NLGN1: variants seen among roughly 807,000 people sequenced by gnomAD.
NLGN1 encodes the protein neuroligin-1.
A neutral mutation model predicts 65.5 loss-of-function variants in NLGN1; 12 were observed. The ratio of observed to expected loss-of-function variants is 0.18; its 90% CI spans 0.12 to 0.30. The LOEUF (loss-of-function observed/expected upper bound fraction) is 0.30, where lower values mean the gene tolerates loss of function less well. NLGN1 is among the 10% of genes least tolerant of loss of function. NLGN1 has a pLI of 1.00. For synonymous variants in NLGN1, 350 were observed against 359.5 expected, an observed-to-expected ratio of 0.97 and a Z score of 0.30; for missense variants, 750 against 1,007.1, an observed-to-expected ratio of 0.74 and a Z score of 3.46.
chr3:173,951,543 A>G (rs916199567), intron 4 of NLGN1, among the ~76,000 whole-genome samples: 1 of 151,224 alleles, frequency 6.6e-6, no homozygotes, highest in Non-Finnish European at 1.5e-5. Context: ...GCTCACTGCA[A>G]CCTCTTCCTT....
chr3:174,127,593 C>G (rs1441456640), intron 4 of NLGN1, among the ~76,000 whole-genome samples: 1 of 152,094 alleles, frequency 6.6e-6, no homozygotes, highest in Non-Finnish European at 1.5e-5. Context: ...TGAAATGTCA[C>G]CCTCCCCATG....
In NLGN1 at chr3:173,950,047, A is replaced by G. The variant is rs145235420; in HGVS notation, c.646+142215A>G. 4.0e-3 allele frequency among the ~76,000 whole-genome samples: 610 copies of G among 152,336 alleles called. 3 individuals carry two copies. The highest frequency in any genetic ancestry group is 0.02 in the Middle Eastern group (6 of 294). ...CATTGGGACCACACGATCACTTTAT[A>G]ATGAGATTTAGTATCCTTTTGTAGT... On this transcript the variant is annotated intron_variant, in intron 4 of 6. Transcript: ENST00000457714.
intron 4 of NLGN1, among the ~76,000 whole-genome samples, chr3:173,914,475 C>CAT (rs1740309484): frequency 6.6e-6 from 1 of 151,952 alleles, no homozygotes; most frequent in Non-Finnish European, 1.5e-5. Context: ...CACACACACA[C>CAT]ATATATAATG....
intron 4 of NLGN1, among the ~76,000 whole-genome samples, chr3:174,273,315 A>G (rs951982383): frequency 1.2e-4 from 18 of 151,652 alleles, no homozygotes; most frequent in Non-Finnish European, 4.4e-5. Context: ...TCACACGCAC[A>G]TATCCTTTTT....
At chr3:173,644,222 G>C (rs1757875035) in intron 3 of NLGN1, 1 of 152,624 alleles carries the variant, frequency 6.6e-6, no homozygotes, top group African/African-American at 2.4e-5. Context: ...GCCAGCCCCA[G>C]TCAGCACCTT....
At chr3:173,577,560 TA>T (rs1745695380) in intron 2 of NLGN1, among the ~76,000 whole-genome samples, 1 of 152,214 alleles carries the variant, frequency 6.6e-6, no homozygotes, top group South Asian at 2.1e-4. Flanking sequence ...GAAACTTTTA[TA>T]GAAGAGGACA....
intron 1 of NLGN1, among the ~76,000 whole-genome samples, chr3:173,402,731 CTT>C (rs1323178285): frequency 2.0e-5 from 3 of 152,140 alleles, no homozygotes; most frequent in African/African-American, 7.2e-5. Flanking sequence ...GGATATATCT[CTT>C]TATCTAGAAG....
At chr3:173,553,079 G>C in intron 2 of NLGN1, among the ~76,000 whole-genome samples, 1 of 152,114 alleles carries the variant, frequency 6.6e-6, no homozygotes, top group Non-Finnish European at 1.5e-5. Flanking sequence ...GGGGCAGTGC[G>C]TTAGATCACA....
At chr3:173,397,736 G>C (rs1051351453), upstream of NLGN1, 1 of 152,188 alleles carries the variant, frequency 6.6e-6, no homozygotes, top group Admixed American at 6.5e-5. Context: ...GTGGGCGGGC[G>C]GGGGAGCGCC....
At chr3:173,944,165 T>C (rs1746729262) in intron 4 of NLGN1, among the ~76,000 whole-genome samples, 1 of 110,448 alleles carries the variant, frequency 9.1e-6, no homozygotes, top group Non-Finnish European at 2.0e-5. Flanking sequence ...GTGTGTGTTT[T>C]GTCCCTATGC....
intron 3 of NLGN1, among the ~76,000 whole-genome samples, chr3:173,616,212 A>G (rs1201449338): frequency 6.6e-6 from 1 of 152,160 alleles, no homozygotes; most frequent in Admixed American, 6.5e-5. Flanking sequence ...TATTTCAGAT[A>G]TTAAAATATT....
chr3:173,795,363 C>G (rs1186447565), intron 3 of NLGN1, among the ~76,000 whole-genome samples: 2 of 152,034 alleles, frequency 1.3e-5, no homozygotes, highest in Non-Finnish European at 2.9e-5. Context: ...GAAACATTTT[C>G]CAGAAAGAAA....
chr3:173,985,130 G>C (rs1041671581), intron 4 of NLGN1, among the ~76,000 whole-genome samples: 3 of 152,136 alleles, frequency 2.0e-5, no homozygotes, highest in African/African-American at 7.2e-5. Flanking sequence ...ATCCCAATGG[G>C]GCTGGCTTCA....
At chr3:173,452,465 G>A (rs150548474) in intron 2 of NLGN1, among the ~76,000 whole-genome samples, 2,710 of 152,248 alleles carry the variant, frequency 0.018, 89 homozygotes, top group African/African-American at 0.059. Context: ...GATTACAGGC[G>A]TGAGCCGCGG....
intron 4 of NLGN1, among the ~76,000 whole-genome samples, chr3:173,995,162 G>A (rs967932235): frequency 2.6e-5 from 4 of 152,186 alleles, no homozygotes; most frequent in South Asian, 2.1e-4. Context: ...GCCAAGAAAC[G>A]TTTTATCCAG....
intron 4 of NLGN1, among the ~76,000 whole-genome samples, chr3:174,059,678 A>C (rs1439890290): frequency 6.6e-6 from 1 of 152,204 alleles, no homozygotes; most frequent in African/African-American, 2.4e-5. Context: ...ATTACCATTT[A>C]TGGAGAATCC....
chr3:174,194,390 A>T (rs1187345441), intron 4 of NLGN1, among the ~76,000 whole-genome samples: 1 of 151,782 alleles, frequency 6.6e-6, no homozygotes, highest in Non-Finnish European at 1.5e-5. Context: ...CGGAGGTTTC[A>T]GTGAGCTGAG....
intron 4 of NLGN1, among the ~76,000 whole-genome samples, chr3:173,854,726 T>C (rs1003199418): frequency 1.3e-5 from 2 of 152,064 alleles, no homozygotes; most frequent in African/African-American, 4.8e-5. Flanking sequence ...AAAACAGTAT[T>C]GGGGATTGAC....
intron 2 of NLGN1, among the ~76,000 whole-genome samples, chr3:173,446,381 C>G (rs1165999409): frequency 1.3e-5 from 2 of 152,158 alleles, no homozygotes; most frequent in African/African-American, 2.4e-5. Context: ...CATGTCCCTA[C>G]AAAGGACATG....
Sources: allele counts gnomAD v4.1 joint callset (sites outside exome capture counted in the v4.1 genomes callset), GRCh38; gene constraint gnomAD v4.1.1; transcripts MANE v1.5; gene names NCBI Gene and HGNC (gene_info 2026-07-23, HGNC 2026-07-21).